Variants in TFPI observed in about 807,000 individuals in gnomAD.
TFPI encodes the protein anti-convertin.
Under a neutral mutation model 34.6 loss-of-function variants are expected in TFPI, and 15 were observed. That is an observed-to-expected ratio of 0.43 (90% CI 0.29 to 0.67). The LOEUF is 0.67. Among genes scored for constraint, TFPI ranks in the 30% least tolerant of loss-of-function variants. TFPI has a pLI of 0.15. For missense variants in TFPI, 301 were observed against 364.0 expected (o/e 0.83, Z 1.41); for synonymous variants, 105 against 120.1 (o/e 0.87, Z 0.82).
intron 3 of TFPI, among the ~76,000 whole-genome samples, chr2:187,492,735 C>T (rs1685204878): frequency 6.6e-6 from 1 of 152,150 alleles, no homozygotes; most frequent in African/African-American, 2.4e-5. Flanking sequence ...TGGCCAGTTT[C>T]TCCCATTTGG....
At chr2:187,532,511 G>A (rs1574508114) in intron 1 of TFPI, among the ~76,000 whole-genome samples, 1 of 152,334 alleles carries the variant, frequency 6.6e-6, no homozygotes. Context: ...AAGGGAAGCC[G>A]TGAGGGGCTG....
chr2:187,538,825 A>G (rs114742239), intron 1 of TFPI, among the ~76,000 whole-genome samples: 1,807 of 152,336 alleles, frequency 0.012, 15 homozygotes, highest in Middle Eastern at 0.037. Flanking sequence ...TTATGTTACC[A>G]TTCTCATATT....
In TFPI at chr2:187,483,261, TTTA is replaced by T. The variant is rs1693010673; in HGVS notation, c.628+860_628+862del. 2.0e-5 allele frequency among the ~76,000 whole-genome samples: 3 copies of T among 152,048 alleles called. No individual in the cohort carries two copies. In the South Asian group the frequency reaches 6.2e-4, roughly 32 times the overall value. On this transcript the variant is annotated intron_variant, in intron 6 of 7. Transcript: ENST00000233156. ...TGGCCCAAACACTGTTTCTTTTTTT[TTTA>T]TTATTATTTTAATCCTAAGATTGCA...
intron 1 of TFPI, among the ~76,000 whole-genome samples, chr2:187,523,675 G>C (rs75584969): frequency 0.068 from 10,215 of 151,112 alleles, 527 homozygotes; most frequent in Non-Finnish European, 0.097. Context: ...CCACAGAATA[G>C]TTGTAGTATC....
At chr2:187,507,047 A>C (rs1387364999) in intron 1 of TFPI, among the ~76,000 whole-genome samples, 1 of 151,990 alleles carries the variant, frequency 6.6e-6, no homozygotes, top group Non-Finnish European at 1.5e-5. Flanking sequence ...TCCTAATGCT[A>C]TCCCTCCCCT....
intron 1 of TFPI, among the ~76,000 whole-genome samples, chr2:187,506,871 A>G (rs1337074303): frequency 2.6e-5 from 4 of 152,080 alleles, no homozygotes; most frequent in Non-Finnish European, 5.9e-5. Flanking sequence ...TTTCTCCACT[A>G]TGAAGTTACT....
At chr2:187,547,020 A>C (rs941070184) in intron 1 of TFPI, 8 of 152,334 alleles carry the variant, frequency 5.3e-5, no homozygotes, top group Admixed American at 2.0e-4. Context: ...AAAAAGATCA[A>C]GTCAGTTTCT....
intron 1 of TFPI, among the ~76,000 whole-genome samples, chr2:187,529,981 G>C (rs1385389016): frequency 1.3e-5 from 2 of 152,150 alleles, no homozygotes; most frequent in African/African-American, 4.8e-5. Flanking sequence ...TATGGTGTTT[G>C]TTTATTCGTT....
intron 1 of TFPI, among the ~76,000 whole-genome samples, chr2:187,530,088 A>AT (rs1203225448): frequency 6.6e-6 from 1 of 152,184 alleles, no homozygotes; most frequent in Non-Finnish European, 1.5e-5. Flanking sequence ...TTTGCTCACA[A>AT]TAAGAAGGAA....
At chr2:187,489,398 G>GTA (rs1301639122) in intron 3 of TFPI, among the ~76,000 whole-genome samples, 1 of 151,318 alleles carries the variant, frequency 6.6e-6, no homozygotes, top group East Asian at 1.9e-4. Context: ...GTGTGTGTGT[G>GTA]TATATGTATA....
intron 1 of TFPI, among the ~76,000 whole-genome samples, chr2:187,533,597 G>GA (rs1449385653): frequency 6.6e-6 from 1 of 152,180 alleles, no homozygotes; most frequent in Non-Finnish European, 1.5e-5. Flanking sequence ...CATAAATCCA[G>GA]AAAGATGAGG....
intron 3 of TFPI, among the ~76,000 whole-genome samples, chr2:187,493,205 T>C (rs1458739897): frequency 6.6e-6 from 1 of 152,176 alleles, no homozygotes; most frequent in African/African-American, 2.4e-5. Context: ...AATTCTTGAC[T>C]TCGGTATACT....
intron 6 of TFPI, among the ~76,000 whole-genome samples, chr2:187,473,473 T>C (rs975746871): frequency 3.3e-5 from 5 of 152,238 alleles, no homozygotes; most frequent in African/African-American, 1.2e-4. Context: ...AGTGATTGTT[T>C]CTGCATAATG....
intron 6 of TFPI, chr2:187,478,577 G>T: frequency 7.0e-7 from 1 of 1,435,442 alleles, no homozygotes. Context: ...AGAAGACTAT[G>T]TTTACTATGC....
At chr2:187,473,045 G>T (rs1692150098) in intron 6 of TFPI, among the ~76,000 whole-genome samples, 2 of 151,886 alleles carry the variant, frequency 1.3e-5, no homozygotes, top group Admixed American at 1.3e-4. Context: ...TAATTACACT[G>T]TTATACACTA....
At chr2:187,490,799 T>A (rs1357648148) in intron 3 of TFPI, among the ~76,000 whole-genome samples, 1 of 151,802 alleles carries the variant, frequency 6.6e-6, no homozygotes, top group Non-Finnish European at 1.5e-5. Flanking sequence ...TGTTTCTGTT[T>A]CCCTCTGTTC....
intron 1 of TFPI, among the ~76,000 whole-genome samples, chr2:187,511,824 G>A (rs1018609434): frequency 2.0e-5 from 3 of 151,962 alleles, no homozygotes; most frequent in Non-Finnish European, 4.4e-5. Flanking sequence ...CCAGCAGAGA[G>A]AGAGAGATAG....
intron 1 of TFPI, among the ~76,000 whole-genome samples, chr2:187,511,099 T>C (rs1686596223): frequency 6.6e-6 from 1 of 152,146 alleles, no homozygotes; most frequent in African/African-American, 2.4e-5. Context: ...TGGGTAGGCA[T>C]TTGCCCCAGT....
chr2:187,539,899 CTTTTT>C lies in TFPI; in HGVS notation c.-3+14296_-3+14300del, dbSNP rs527567767. On this transcript the variant is annotated intron_variant, in intron 1 of 7. Coordinates refer to ENST00000233156, the MANE Select transcript of TFPI (RefSeq NM_006287.6). ...CAACCACCACCCATTACGTCATCTT[CTTTTT>C]TTTTTTTTTTTTTGAGACGGAGCCT... is the stretch of plus-strand genomic sequence containing the variant. 3.0e-4 allele frequency among the ~76,000 whole-genome samples: 41 copies of C among 137,898 alleles called. No homozygotes were observed. In the Middle Eastern group the frequency reaches 0.012, roughly 39 times the overall value. 90.5% of individuals were successfully genotyped at this position (137,898 alleles called of 152,430 possible). A position where few individuals can be genotyped will look rare whatever the true frequency, so the allele number is the denominator to read the frequency against.
Sources: allele counts gnomAD v4.1 joint callset (sites outside exome capture counted in the v4.1 genomes callset), GRCh38; gene constraint gnomAD v4.1.1; transcripts MANE v1.5; gene names NCBI Gene and HGNC (gene_info 2026-07-23, HGNC 2026-07-21).